PCDHGA11: variants seen among roughly 807,000 people sequenced by gnomAD.
PCDHGA11 encodes the protein protocadherin gamma-A11.
Under a neutral mutation model 60.4 loss-of-function variants are expected in PCDHGA11, and 39 were observed. That is an observed-to-expected ratio of 0.65 (90% CI 0.50 to 0.84). The LOEUF (loss-of-function observed/expected upper bound fraction) is 0.84. PCDHGA11 is among the 40% of genes least tolerant of loss of function. PCDHGA11 has a pLI of 0.00. For missense variants in PCDHGA11, 1,165 were observed against 1,197.7 expected (o/e 0.97, Z 0.40); for synonymous variants, 533 against 510.3 (o/e 1.04, Z -0.60).
chr5:141,471,046 CTTTTT>C (rs1170588345), intron 1 of PCDHGA11, among the ~76,000 whole-genome samples: 2 of 113,276 alleles, frequency 1.8e-5, no homozygotes, highest in Non-Finnish European at 3.6e-5. Context: ...CCCAAGCCCT[CTTTTT>C]TTTTTTTTTT....
At chr5:141,508,756 C>A (rs890362975) in intron 3 of PCDHGA11, among the ~76,000 whole-genome samples, 2 of 151,904 alleles carry the variant, frequency 1.3e-5, no homozygotes, top group African/African-American at 4.8e-5. Flanking sequence ...CTTTCTCTGG[C>A]GCCTCTGAGG....
Position 141,421,239 on chromosome 5 carries a change from G to C in PCDHGA11, c.12G>C (p.Arg4=). 1 of 1,599,000 alleles carries C rather than the reference G, an allele frequency of 6.3e-7. No individual in the cohort carries two copies. Among genetic ancestry groups the C allele is most frequent in the South Asian group, 1.1e-5 (1 of 89,114 alleles). MAN[R]LQRGDRSRLL... is the part of the protein sequence containing the mutation. ...GCTTAGAGCCTGCCATGGCGAATCG[G>C]CTACAGCGCGGGGACCGCAGTCGGC... is the stretch of plus-strand genomic sequence containing the variant. Residue 4 remains arginine, a synonymous_variant, in exon 1 of 4, where the codon CGG becomes CGC. Transcript: ENST00000398587.
At chr5:141,500,184 T>TTATA (rs530565701) in intron 2 of PCDHGA11, among the ~76,000 whole-genome samples, 2 of 135,886 alleles carry the variant, frequency 1.5e-5, no homozygotes, top group Non-Finnish European at 3.2e-5. Flanking sequence ...TCATTTTTAT[T>TTATA]TTTATTTATT....
chr5:141,453,067 C>A (rs1227122711), intron 1 of PCDHGA11, among the ~76,000 whole-genome samples: 1 of 152,024 alleles, frequency 6.6e-6, no homozygotes, highest in African/African-American at 2.4e-5. Context: ...AGAGTTTTGC[C>A]ACACTCTGGT....
At chr5:141,438,396 ACT>A (rs2097958956) in intron 1 of PCDHGA11, among the ~76,000 whole-genome samples, 2 of 150,930 alleles carry the variant, frequency 1.3e-5, no homozygotes, top group African/African-American at 4.9e-5. Context: ...TTCATCATTA[ACT>A]CTCTGAAGTA....
rs924491576 is a variant in PCDHGA11, at chr5:141,491,579, C to T, written c.2434-3228C>T. On this transcript the variant is annotated intron_variant, in intron 1 of 3. Coordinates refer to ENST00000398587, the MANE Select transcript of PCDHGA11 (RefSeq NM_018914.3). This position sits in a 1 kb window ranked among gnomAD's most constrained non-coding sequence, Gnocchi z 6.9. ...CACTGCTACAGGACGTGCTTTTCAC[C>T]GGCCTCGGACGGCAGTGACTTCACT... is the stretch of plus-strand genomic sequence containing the variant. 18 of 1,613,810 alleles carry T rather than the reference C, an allele frequency of 1.1e-5. No homozygotes were observed. Among genetic ancestry groups the T allele is most frequent in the Non-Finnish European group, 1.4e-5 (17 of 1,180,044 alleles).
chr5:141,477,432 C>T lies in PCDHGA11; in HGVS notation c.2434-17375C>T, dbSNP rs1184041591. 6.2e-7 allele frequency: 1 copy of T among 1,614,186 alleles called. No individual in the cohort carries two copies. Among genetic ancestry groups the T allele is most frequent in the Admixed American group, 1.7e-5 (1 of 60,028 alleles). ...GACGCCGGAACCCCTTCCCTCTCAG[C>T]CCTTACAATAGTGCGTGTTCAAGTG... On this transcript the variant is annotated intron_variant, in intron 1 of 3. Transcript: ENST00000398587. This position sits in a 1 kb window ranked among gnomAD's most constrained non-coding sequence, Gnocchi z 4.9.
intron 2 of PCDHGA11, among the ~76,000 whole-genome samples, chr5:141,502,759 C>T (rs535899844): frequency 9.9e-5 from 15 of 152,130 alleles, no homozygotes; most frequent in African/African-American, 3.6e-4. Context: ...CATGTATTTG[C>T]TGGTATTCTT....
Position 141,511,400 on chromosome 5 carries a change from T to C in PCDHGA11, c.*227T>C. The C allele has an allele frequency of 2.0e-6, 2 of 982,250 alleles. No individual in the cohort carries two copies. Among genetic ancestry groups the C allele is most frequent in the Non-Finnish European group, 2.9e-6 (2 of 688,054 alleles). The allele number at this position is 982,250 out of a possible 1,614,324, so 60.8% of individuals were successfully genotyped here. On this transcript the variant is annotated 3_prime_UTR_variant, in exon 4 of 4. Coordinates refer to ENST00000398587, the MANE Select transcript of PCDHGA11 (RefSeq NM_018914.3). ...AGTTCCGCTGGGAACCCCCATCCAA[T>C]CAACTGCTGTACCCATGGGGGTAGT...
intron 1 of PCDHGA11, among the ~76,000 whole-genome samples, chr5:141,455,959 G>T (rs112864392): frequency 0.11 from 16,680 of 150,504 alleles, 1,459 homozygotes; most frequent in African/African-American, 0.24. Context: ...GTGCAGTGGC[G>T]CGATCTCAGC....
In PCDHGA11 at chr5:141,485,798, C is replaced by T. The variant is rs764109672; in HGVS notation, c.2434-9009C>T. The T allele has an allele frequency of 2.0e-5, 32 of 1,614,172 alleles. No individual in the cohort carries two copies. The highest frequency in any genetic ancestry group is 1.1e-4 in the East Asian group (5 of 44,876). ...GGATCGAGAGAAGCAATCGGACTAC[C>T]GCCTGGTGCTGACTGCTGTCGATGG... is the stretch of plus-strand genomic sequence containing the variant. On this transcript the variant is annotated intron_variant, in intron 1 of 3. Coordinates refer to ENST00000398587, the MANE Select transcript of PCDHGA11 (RefSeq NM_018914.3). The surrounding 1 kb of genome is among the most constrained non-coding windows in gnomAD (Gnocchi z 5.7).
chr5:141,487,884 A>G lies in PCDHGA11; in HGVS notation c.2434-6923A>G. 1.3e-6 allele frequency: 1 copy of G among 766,716 alleles called. No homozygotes were observed. Among genetic ancestry groups the G allele is most frequent in the Non-Finnish European group, 2.1e-6 (1 of 481,170 alleles). 47.5% of individuals were successfully genotyped at this position (766,716 alleles called of 1,614,324 possible). On this transcript the variant is annotated intron_variant, in intron 1 of 3. Transcript: ENST00000398587. The surrounding 1 kb of genome is among the most constrained non-coding windows in gnomAD (Gnocchi z 5.0). ...GTGATCAAGAGCCAGGCTGTTGTGG[A>G]AGCATGATGATGGAATGTGGGAGCA...
chr5:141,423,354 C>A lies in PCDHGA11; in HGVS notation c.2127C>A (p.Val709=). 6.2e-7 allele frequency: 1 copy of A among 1,614,202 alleles called. No individual in the cohort carries two copies. ...AAVSCIFLVF[V]IVLLALRLWR... ...TCTCCTGCATCTTCCTGGTCTTTGT[C>A]ATCGTGCTGCTGGCACTCAGGCTGT... Residue 709 remains valine, a synonymous_variant, in exon 1 of 4, where the codon GTC becomes GTA. Coordinates refer to ENST00000398587, the MANE Select transcript of PCDHGA11 (RefSeq NM_018914.3).
Position 141,485,274 on chromosome 5 carries a change from C to G in PCDHGA11, c.2434-9533C>G. 2 of 1,614,106 alleles carry G rather than the reference C, an allele frequency of 1.2e-6. No homozygotes were observed. Among genetic ancestry groups the G allele is most frequent in the Non-Finnish European group, 1.7e-6 (2 of 1,179,964 alleles). On this transcript the variant is annotated intron_variant, in intron 1 of 3. Transcript: ENST00000398587. The surrounding 1 kb of genome is among the most constrained non-coding windows in gnomAD (Gnocchi z 5.7). ...TACGTTTGTGGGCAGATCCGCTACC[C>G]GGTCCCAGAGGAGTCACAGGAAGGG...
Position 141,423,111 on chromosome 5 carries a change from T to C in PCDHGA11, c.1884T>C (p.Arg628=), listed in dbSNP as rs1394665462. ...FAVGEHTGEV[R]TARALLDRDA... ...TGGGGGAGCACACGGGCGAGGTGCGTACAGCGCGGGCACTGCTGGACAGAG... is the reference window on the plus strand; with the variant it reads ...TGGGGGAGCACACGGGCGAGGTGCGCACAGCGCGGGCACTGCTGGACAGAG... Residue 628 remains arginine, a synonymous_variant, in exon 1 of 4, where the codon CGT becomes CGC. Transcript: ENST00000398587. 3.1e-6 allele frequency: 5 copies of C among 1,613,718 alleles called. No homozygotes were observed. The highest frequency in any genetic ancestry group is 1.1e-5 in the South Asian group (1 of 91,072).
chr5:141,452,968 A>G (rs1028716079), intron 1 of PCDHGA11, among the ~76,000 whole-genome samples: 3 of 152,210 alleles, frequency 2.0e-5, no homozygotes, highest in Non-Finnish European at 4.4e-5. Flanking sequence ...AACTGAGGGT[A>G]TATTGTCAAA....
intron 1 of PCDHGA11, among the ~76,000 whole-genome samples, chr5:141,453,518 C>G (rs1347368114): frequency 6.6e-6 from 1 of 152,114 alleles, no homozygotes; most frequent in African/African-American, 2.4e-5. Context: ...CATTCCTCCC[C>G]TATACCTTCT....
At chr5:141,438,896 CCT>C (rs886177991) in intron 1 of PCDHGA11, among the ~76,000 whole-genome samples, 30 of 151,820 alleles carry the variant, frequency 2.0e-4, no homozygotes, top group Non-Finnish European at 7.4e-5. Context: ...GAACTCCTGA[CCT>C]CAGGTGATCC....
In PCDHGA11 at chr5:141,442,072, C is replaced by G. The variant is rs1034351866; in HGVS notation, c.2433+18412C>G. On this transcript the variant is annotated intron_variant, in intron 1 of 3. Transcript: ENST00000398587. ...GTCGCGGTGCACTGCGGTGGACAGC[C>G]GCTCCTCTCGCTACCGCCACGTCAC... 17 of 175,092 alleles carry G rather than the reference C, an allele frequency of 9.7e-5. No homozygotes were observed. The South Asian group carries it at 1.5e-3, about 16-fold the overall frequency. 10.8% of individuals were successfully genotyped at this position (175,092 alleles called of 1,614,324 possible). A position where few individuals can be genotyped will look rare whatever the true frequency, so the allele number is the denominator to read the frequency against.
Sources: gnomAD v4.1 joint callset for allele counts (sites outside exome capture counted in the v4.1 genomes callset) on GRCh38, gnomAD v4.1.1 for gene constraint, Gnocchi (gnomAD v3.1) non-coding constraint, MANE v1.5 for transcripts, NCBI Gene and HGNC (gene_info 2026-07-23, HGNC 2026-07-21) for gene names.